The following DLGAP1 variants were observed in gnomAD, a reference collection of about 807,000 sequenced individuals.
DLGAP1 encodes disks large-associated protein 1.
DLGAP1 carries 11 observed loss-of-function variants against 90.8 expected under a neutral mutation model. The ratio of observed to expected loss-of-function variants is 0.12; its 90% CI spans 0.08 to 0.20. The LOEUF (loss-of-function observed/expected upper bound fraction) is 0.20. DLGAP1 is among the 10% of genes least tolerant of loss of function. The probability of loss-of-function intolerance (pLI) is 1.00; values close to 1 mark genes in which losing one functional copy is unlikely to be tolerated. For missense variants in DLGAP1, 1,050 were observed against 1,333.8 expected (o/e 0.79, Z 3.31); for synonymous variants, 558 against 540.7 (o/e 1.03, Z -0.44).
chr18:3,990,490 G>T (rs2073941450), intron 3 of DLGAP1, among the ~76,000 whole-genome samples: 1 of 146,148 alleles, frequency 6.8e-6, no homozygotes, highest in Non-Finnish European at 1.5e-5. Flanking sequence ...GTTGTGGGGT[G>T]GGGGAGGGGG....
intron 5 of DLGAP1, among the ~76,000 whole-genome samples, chr18:3,783,739 CA>C (rs1179498703): frequency 2.0e-5 from 3 of 152,124 alleles, no homozygotes; most frequent in African/African-American, 7.2e-5. Flanking sequence ...TTGCATCGTA[CA>C]CTTAAAAAAT....
chr18:3,944,143 G>C (rs544867333), intron 3 of DLGAP1, among the ~76,000 whole-genome samples: 1 of 152,206 alleles, frequency 6.6e-6, no homozygotes, highest in African/African-American at 2.4e-5. Context: ...GTAGTGACGA[G>C]ATGAGATTGA....
At chr18:3,602,450 C>A (rs1469475792) in intron 7 of DLGAP1, among the ~76,000 whole-genome samples, 1 of 151,732 alleles carries the variant, frequency 6.6e-6, no homozygotes, top group Non-Finnish European at 1.5e-5. Flanking sequence ...AAAAAATTAG[C>A]CGGGCGTGGT....
chr18:4,266,987 C>T (rs921968828), intron 1 of DLGAP1, among the ~76,000 whole-genome samples: 2 of 152,188 alleles, frequency 1.3e-5, no homozygotes, highest in African/African-American at 2.4e-5. Context: ...CTAATGTGCT[C>T]ACCCACCCAC....
At chr18:3,750,748 G>A (rs548786681) in intron 5 of DLGAP1, among the ~76,000 whole-genome samples, 14 of 152,178 alleles carry the variant, frequency 9.2e-5, no homozygotes, top group South Asian at 2.1e-4. Context: ...CAGTCTCCTC[G>A]TTTGCTGTTT....
At chr18:4,203,425 A>G (rs1193367384) in intron 1 of DLGAP1, among the ~76,000 whole-genome samples, 2 of 152,222 alleles carry the variant, frequency 1.3e-5, no homozygotes, top group African/African-American at 4.8e-5. Context: ...AAGAACGGGT[A>G]GAATCGAGTT....
chr18:4,073,719 A>G (rs910999029), intron 2 of DLGAP1, among the ~76,000 whole-genome samples: 2 of 152,188 alleles, frequency 1.3e-5, no homozygotes, highest in African/African-American at 4.8e-5. Flanking sequence ...TAGCTGCTCA[A>G]TAAGAAATAG....
chr18:4,021,760 G>GGCTA (rs2074613893), intron 2 of DLGAP1, among the ~76,000 whole-genome samples: 1 of 152,004 alleles, frequency 6.6e-6, no homozygotes, highest in Admixed American at 6.6e-5. Context: ...CACCATGCCA[G>GGCTA]GCTAATTTTT....
chr18:3,908,618 G>A (rs1377352836), intron 3 of DLGAP1, among the ~76,000 whole-genome samples: 2 of 152,082 alleles, frequency 1.3e-5, no homozygotes, highest in East Asian at 1.9e-4. Context: ...ATTTATGCTT[G>A]CTTATAAGTT....
At chr18:4,235,495 G>A (rs375394469) in intron 1 of DLGAP1, among the ~76,000 whole-genome samples, 11 of 151,956 alleles carry the variant, frequency 7.2e-5, no homozygotes, top group African/African-American at 2.4e-4. Context: ...AATTATCTAA[G>A]CTTTGTTTGA....
intron 5 of DLGAP1, among the ~76,000 whole-genome samples, chr18:3,766,440 T>C (rs1245589551): frequency 1.3e-5 from 2 of 151,970 alleles, no homozygotes; most frequent in East Asian, 1.9e-4. Context: ...TCAGCAAGGA[T>C]AGACAAGAAC....
intron 1 of DLGAP1, among the ~76,000 whole-genome samples, chr18:4,389,107 A>G (rs1333034389): frequency 6.6e-6 from 1 of 152,226 alleles, no homozygotes; most frequent in Non-Finnish European, 1.5e-5. Context: ...TGGAAGCAAC[A>G]CAACTGATCA....
intron 1 of DLGAP1, among the ~76,000 whole-genome samples, chr18:4,174,382 T>C (rs1417373721): frequency 6.6e-6 from 1 of 152,160 alleles, no homozygotes; most frequent in Non-Finnish European, 1.5e-5. Flanking sequence ...TCACCCAGGC[T>C]GGAATGCAGT....
chr18:4,414,814 T>C (rs1347725553), intron 1 of DLGAP1, among the ~76,000 whole-genome samples: 1 of 152,188 alleles, frequency 6.6e-6, no homozygotes, highest in Admixed American at 6.5e-5. Context: ...ACCTTCATAT[T>C]GTCAAATGAA....
chr18:3,544,546 G>A (rs951514081), intron 9 of DLGAP1, among the ~76,000 whole-genome samples: 2 of 151,780 alleles, frequency 1.3e-5, no homozygotes, highest in Non-Finnish European at 2.9e-5. Flanking sequence ...CAAAAATTTG[G>A]GGATTTTCCA....
intron 3 of DLGAP1, among the ~76,000 whole-genome samples, chr18:3,914,967 C>T (rs1331203686): frequency 6.6e-6 from 1 of 152,030 alleles, no homozygotes; most frequent in Non-Finnish European, 1.5e-5. Flanking sequence ...GGTTTTGGGC[C>T]CCTGGGCTCA....
At chr18:3,837,413 T>C (rs768527840) in intron 4 of DLGAP1, among the ~76,000 whole-genome samples, 1 of 152,246 alleles carries the variant, frequency 6.6e-6, no homozygotes, top group East Asian at 1.9e-4. Flanking sequence ...TATGCAGCAA[T>C]GGATATTATA....
At chr18:4,285,190 G>A (rs1305914488) in intron 1 of DLGAP1, among the ~76,000 whole-genome samples, 2 of 152,160 alleles carry the variant, frequency 1.3e-5, no homozygotes, top group African/African-American at 4.8e-5. Context: ...AAAGTAGAAT[G>A]AAGGGAAATC....
intron 6 of DLGAP1, among the ~76,000 whole-genome samples, chr18:3,741,929 G>A (rs2063070175): frequency 6.6e-6 from 1 of 151,006 alleles, no homozygotes. Context: ...TGCAACCTCT[G>A]CCTCCCAGTT....
Sources: gnomAD v4.1 joint callset for allele counts (sites outside exome capture counted in the v4.1 genomes callset) on GRCh38, gnomAD v4.1.1 for gene constraint, MANE v1.5 for transcripts, NCBI Gene and HGNC (gene_info 2026-07-23, HGNC 2026-07-21) for gene names.